The following DLG2 variants were observed in gnomAD, a reference collection of about 807,000 sequenced individuals.
DLG2 encodes disks large homolog 2.
Under a neutral mutation model 132.5 loss-of-function variants are expected in DLG2, and 45 were observed. The observed-to-expected ratio is 0.34, with a 90% CI of 0.27 to 0.44. DLG2 has a LOEUF of 0.44. Among genes scored for constraint, DLG2 ranks in the 20% least tolerant of loss-of-function variants. The pLI is 1.00. For missense variants in DLG2, 1,045 were observed against 1,196.9 expected (o/e 0.87, Z 1.87); for synonymous variants, 424 against 419.6 (o/e 1.01, Z -0.13).
intron 7 of DLG2, among the ~76,000 whole-genome samples, chr11:84,502,242 CCTT>C: frequency 2.8e-5 from 1 of 35,286 alleles, no homozygotes. Context: ...TTCCTTCCTT[CCTT>C]CCTTCCTTCC....
intron 3 of DLG2, among the ~76,000 whole-genome samples, chr11:85,332,490 T>C (rs1237300185): frequency 6.6e-6 from 1 of 152,164 alleles, no homozygotes; most frequent in African/African-American, 2.4e-5. Context: ...TATTTTTTCT[T>C]TTTGTTGGAA....
chr11:83,471,077 T>G (rs533564638), intron 24 of DLG2, among the ~76,000 whole-genome samples: 1 of 152,112 alleles, frequency 6.6e-6, no homozygotes, highest in Admixed American at 6.6e-5. Context: ...TAATCTATAA[T>G]GAGAAGAAAG....
intron 11 of DLG2, among the ~76,000 whole-genome samples, chr11:84,049,607 T>C (rs1179055970): frequency 6.6e-6 from 1 of 151,826 alleles, no homozygotes; most frequent in East Asian, 1.9e-4. Flanking sequence ...GCTTGTACTT[T>C]CCTTTTAAGT....
At chr11:84,800,618 T>C (rs1462121321) in intron 6 of DLG2, 1 of 152,158 alleles carries the variant, frequency 6.6e-6, no homozygotes, top group African/African-American at 2.4e-5. Context: ...GTCTTCTGAT[T>C]CACAGTTGAT....
rs1038142642 is a variant in DLG2 at position 85,316,637 on chromosome 11, T to C, written c.41-31272A>G. ...GCCTCTCATGTACAAAAGCTAAAGA[T>C]AGGATACAACTGGGTATTTGAAGAG... On this transcript the variant is annotated intron_variant, in intron 3 of 27. Coordinates refer to ENST00000376104, the MANE Select transcript of DLG2 (RefSeq NM_001142699.3). Among the ~76,000 whole-genome samples the C allele has an allele frequency of 2.1e-4, 32 of 151,900 alleles. 1 individual carries two copies. The highest frequency in any genetic ancestry group is 8.8e-5 in the Non-Finnish European group (6 of 67,896).
intron 7 of DLG2, among the ~76,000 whole-genome samples, chr11:84,327,192 C>T (rs1599931888): frequency 6.8e-6 from 1 of 146,520 alleles, no homozygotes; most frequent in East Asian, 2.1e-4. Flanking sequence ...TCTCGGCTCA[C>T]TTCAACCTCT....
At chr11:84,658,373 G>A (rs1046915947) in intron 6 of DLG2, among the ~76,000 whole-genome samples, 41 of 152,186 alleles carry the variant, frequency 2.7e-4, no homozygotes, top group Admixed American at 1.3e-4. Flanking sequence ...CTAACCCCTA[G>A]TGTGATGGCG....
chr11:84,467,575 A>G (rs758221287), intron 7 of DLG2, among the ~76,000 whole-genome samples: 6 of 151,350 alleles, frequency 4.0e-5, no homozygotes, highest in Admixed American at 1.3e-4. Flanking sequence ...CCAGTGGCAT[A>G]GGAGAAAGTT....
intron 11 of DLG2, among the ~76,000 whole-genome samples, chr11:84,023,743 A>G (rs781691949): frequency 9.2e-5 from 14 of 152,142 alleles, no homozygotes; most frequent in Non-Finnish European, 1.9e-4. Context: ...AAATGCATAA[A>G]ATATAGGGAT....
chr11:84,242,578 G>A (rs868360233), intron 8 of DLG2, among the ~76,000 whole-genome samples: 1 of 151,848 alleles, frequency 6.6e-6, no homozygotes, highest in Admixed American at 6.6e-5. Context: ...GCTAATTTTT[G>A]TATTTTTATT....
At chr11:83,874,197 AAGAG>A (rs1299390785) in intron 16 of DLG2, among the ~76,000 whole-genome samples, 2 of 124,788 alleles carry the variant, frequency 1.6e-5, no homozygotes, top group African/African-American at 6.1e-5. Context: ...GGACAAAAGA[AAGAG>A]AAAGAAAGAC....
chr11:83,958,374 G>A (rs930978899), intron 14 of DLG2, among the ~76,000 whole-genome samples: 21 of 152,120 alleles, frequency 1.4e-4, no homozygotes, highest in African/African-American at 4.6e-4. Context: ...CTTTATTGAG[G>A]CTTTTTTTAT....
In DLG2 at chr11:84,675,667, G is replaced by T. The variant is rs996882080; in HGVS notation, c.358-140936C>A. On this transcript the variant is annotated intron_variant, in intron 6 of 27. Transcript: ENST00000376104. ...TCTAGCAACTGCCTACACCCTAGTT[G>T]AAATTCACTAGATAACTGACATTAG... 3.9e-5 allele frequency among the ~76,000 whole-genome samples: 6 copies of T among 152,156 alleles called. No homozygotes were observed. In the East Asian group the frequency reaches 1.2e-3, roughly 30 times the overall value.
intron 11 of DLG2, among the ~76,000 whole-genome samples, chr11:84,054,005 G>T (rs1299982211): frequency 1.3e-5 from 2 of 152,028 alleles, no homozygotes; most frequent in Non-Finnish European, 2.9e-5. Flanking sequence ...TCACTACCTA[G>T]ATTTAATCAC....
intron 3 of DLG2, among the ~76,000 whole-genome samples, chr11:85,554,726 G>T (rs549644007): frequency 6.7e-6 from 1 of 150,348 alleles, no homozygotes; most frequent in South Asian, 2.1e-4. Flanking sequence ...TTCTATGATC[G>T]TTTATTGCAC....
chr11:83,589,698 A>G (rs1450062615), intron 19 of DLG2, among the ~76,000 whole-genome samples: 1 of 151,236 alleles, frequency 6.6e-6, no homozygotes, highest in Non-Finnish European at 1.5e-5. Context: ...AGACTGGCAA[A>G]TTGGATAAAG....
At chr11:83,533,202 A>C (rs2095801240) in intron 20 of DLG2, among the ~76,000 whole-genome samples, 1 of 151,934 alleles carries the variant, frequency 6.6e-6, no homozygotes, top group South Asian at 2.1e-4. Context: ...TCTTCCCCTT[A>C]AGAACACTAG....
chr11:85,167,311 T>A (rs2078524157), intron 4 of DLG2, among the ~76,000 whole-genome samples: 1 of 152,154 alleles, frequency 6.6e-6, no homozygotes, highest in African/African-American at 2.4e-5. Context: ...ATAGAATGCC[T>A]AGTTTACTTA....
At chr11:85,043,306 C>A (rs1470961823) in intron 6 of DLG2, among the ~76,000 whole-genome samples, 1 of 151,782 alleles carries the variant, frequency 6.6e-6, no homozygotes, top group Non-Finnish European at 1.5e-5. Flanking sequence ...CTTAATGTAT[C>A]AAATTTTATA....
Sources: allele counts gnomAD v4.1 joint callset (sites outside exome capture counted in the v4.1 genomes callset), GRCh38; gene constraint gnomAD v4.1.1; transcripts MANE v1.5; gene names NCBI Gene and HGNC (gene_info 2026-07-23, HGNC 2026-07-21).